GRAP2: variants seen among roughly 807,000 people sequenced by gnomAD.
GRAP2 encodes GRB2-related adapter protein 2.
GRAP2 carries 31 observed loss-of-function variants against 43.5 expected under a neutral mutation model. The observed-to-expected ratio is 0.71, with a 90% confidence interval of 0.54 to 0.96. The LOEUF (loss-of-function observed/expected upper bound fraction) is 0.96. Among genes scored for constraint, GRAP2 ranks in the 40% least tolerant of loss-of-function variants. The pLI, the probability that GRAP2 is intolerant of heterozygous loss-of-function variation, is 0.00. For missense variants in GRAP2, 371 were observed against 424.4 expected (o/e 0.87, Z 1.11); for synonymous variants, 156 against 164.8 (o/e 0.95, Z 0.41).
chr22:39,909,111 T>G, intron 1 of GRAP2, among the ~76,000 whole-genome samples: 1 of 152,254 alleles, frequency 6.6e-6, no homozygotes, highest in East Asian at 1.9e-4. Context: ...ACATGGTGCT[T>G]TCTTGTGTAA....
At chr22:39,939,158 T>G (rs967620493) in intron 1 of GRAP2, among the ~76,000 whole-genome samples, 1 of 152,190 alleles carries the variant, frequency 6.6e-6, no homozygotes, top group Admixed American at 6.5e-5. Context: ...TTTGCTATCT[T>G]TGGATGCAGT....
chr22:39,957,703 G>A (rs2067072257), intron 3 of GRAP2, among the ~76,000 whole-genome samples: 2 of 152,212 alleles, frequency 1.3e-5, no homozygotes, highest in Admixed American at 1.3e-4. Flanking sequence ...GAGAGGCTGA[G>A]GGAGGAGGAT....
chr22:39,951,693 C>A (rs902522828), intron 2 of GRAP2, among the ~76,000 whole-genome samples: 1 of 152,062 alleles, frequency 6.6e-6, no homozygotes, highest in Non-Finnish European at 1.5e-5. Flanking sequence ...TAGGGGGAAC[C>A]GAACAGATGG....
At chr22:39,930,507 TG>T (rs1322106011) in intron 1 of GRAP2, among the ~76,000 whole-genome samples, 9 of 152,212 alleles carry the variant, frequency 5.9e-5, no homozygotes, top group African/African-American at 2.2e-4. Flanking sequence ...TAAAAACATG[TG>T]GAAAGACCCA....
At chr22:39,902,784 T>G (rs535245438) in intron 1 of GRAP2, among the ~76,000 whole-genome samples, 3 of 152,332 alleles carry the variant, frequency 2.0e-5, no homozygotes, top group Non-Finnish European at 4.4e-5. Context: ...TTTCAATTGT[T>G]CTGTCTACCT....
Position 39,966,047 on chromosome 22 carries a change from T to C in GRAP2, c.348T>C (p.Phe116=), listed in dbSNP as rs2067169501. The C allele has an allele frequency of 1.2e-6, 2 of 1,613,936 alleles. No individual in the cohort carries two copies. The highest frequency in any genetic ancestry group is 1.1e-5 in the South Asian group (1 of 91,086). ...KVMRDNKGNY[F]LWTEKFPSLN... ...TGCGAGACAACAAGGGTAATTACTT[T>C]CTGTGGACTGAGAAGTTTCCATCCC... The change falls in exon 5 of 8, where the codon TTT becomes TTC. Residue 116 remains phenylalanine (F), a synonymous_variant. Transcript: ENST00000344138.
intron 1 of GRAP2, among the ~76,000 whole-genome samples, chr22:39,941,883 G>GT (rs1278105441): frequency 1.3e-5 from 2 of 149,548 alleles, no homozygotes; most frequent in Non-Finnish European, 3.0e-5. Context: ...TTGTCTGTTT[G>GT]TTTTGTTAAG....
chr22:39,923,513 G>T (rs1269654846), intron 1 of GRAP2, among the ~76,000 whole-genome samples: 2 of 152,032 alleles, frequency 1.3e-5, no homozygotes, highest in Non-Finnish European at 2.9e-5. Flanking sequence ...ATTATTAATT[G>T]TCTCCCCTGC....
intron 4 of GRAP2, chr22:39,964,715 T>TA (rs386395435): frequency 0.021 from 6,349 of 308,026 alleles, 19 homozygotes; most frequent in South Asian, 0.037. Flanking sequence ...TAAACTTTTG[T>TA]AAAAAAAAAA....
chr22:39,941,388 C>T (rs767353841), intron 1 of GRAP2, among the ~76,000 whole-genome samples: 1 of 152,126 alleles, frequency 6.6e-6, no homozygotes, highest in African/African-American at 2.4e-5. Context: ...AATCCAGGTT[C>T]GTCTACTACT....
intron 1 of GRAP2, among the ~76,000 whole-genome samples, chr22:39,933,547 G>A (rs1381349190): frequency 6.6e-6 from 1 of 152,120 alleles, no homozygotes; most frequent in East Asian, 1.9e-4. Context: ...CCCTCAGAAA[G>A]TTGTGTGTCA....
chr22:39,958,536 G>A (rs541026595), intron 3 of GRAP2, among the ~76,000 whole-genome samples: 64 of 150,752 alleles, frequency 4.2e-4, no homozygotes, highest in African/African-American at 1.6e-3. Flanking sequence ...TAGATGTTCA[G>A]TAAAGCTGTT....
intron 1 of GRAP2, among the ~76,000 whole-genome samples, chr22:39,913,917 A>G (rs909796082): frequency 2.6e-5 from 4 of 152,130 alleles, no homozygotes; most frequent in Non-Finnish European, 5.9e-5. Context: ...CTTTCATCCC[A>G]CCCTGCACAC....
chr22:39,897,572 T>G (rs1347707329), upstream of GRAP2, among the ~76,000 whole-genome samples: 1 of 145,712 alleles, frequency 6.9e-6, no homozygotes, highest in Admixed American at 7.2e-5. Flanking sequence ...CAGGCTGGAG[T>G]GCAATGGCGC....
intron 1 of GRAP2, among the ~76,000 whole-genome samples, chr22:39,912,635 A>G (rs1027443244): frequency 6.6e-6 from 1 of 152,226 alleles, no homozygotes; most frequent in African/African-American, 2.4e-5. Flanking sequence ...CCAAATGTCA[A>G]TAGTGACAAG....
At chr22:39,965,024 T>C (rs1007552783) in intron 4 of GRAP2, among the ~76,000 whole-genome samples, 1 of 152,228 alleles carries the variant, frequency 6.6e-6, no homozygotes, top group African/African-American at 2.4e-5. Flanking sequence ...TGCACCTCTG[T>C]GAGCCTCAGT....
intron 1 of GRAP2, among the ~76,000 whole-genome samples, chr22:39,935,091 G>A (rs1400559976): frequency 2.6e-5 from 4 of 152,302 alleles, no homozygotes; most frequent in African/African-American, 9.6e-5. Flanking sequence ...TCAAGAGTTG[G>A]AACCTTGTCA....
intron 6 of GRAP2, among the ~76,000 whole-genome samples, chr22:39,968,907 C>T (rs980918335): frequency 2.6e-5 from 4 of 152,228 alleles, no homozygotes; most frequent in African/African-American, 9.7e-5. Flanking sequence ...TGCGTTTCCT[C>T]TCATGCCTTT....
intron 4 of GRAP2, 60 bp from the exon 5 acceptor site, chr22:39,965,930 C>G (rs991180549): frequency 7.4e-7 from 1 of 1,346,164 alleles, no homozygotes; most frequent in African/African-American, 1.4e-5. Flanking sequence ...ATGTGAGCAG[C>G]CTGGAGGTGG....
Sources: gnomAD v4.1 joint callset for allele counts (sites outside exome capture counted in the v4.1 genomes callset) on GRCh38, gnomAD v4.1.1 for gene constraint, MANE v1.5 for transcripts, NCBI Gene and HGNC (gene_info 2026-07-23, HGNC 2026-07-21) for gene names.